SOX5: variants seen among roughly 807,000 people sequenced by gnomAD.
The protein encoded by SOX5 is SRY-box transcription factor 5.
SOX5 carries 9 observed loss-of-function variants against 92.0 expected under a neutral mutation model. The ratio of observed to expected loss-of-function variants is 0.10; its 90% CI spans 0.06 to 0.17. SOX5 has a LOEUF of 0.17. SOX5 is among the 10% of genes least tolerant of loss of function. The pLI, the probability that SOX5 is intolerant of heterozygous loss-of-function variation, is 1.00. For missense variants in SOX5, 642 were observed against 944.5 expected, an observed-to-expected ratio of 0.68 and a Z score of 4.20; for synonymous variants, 344 against 336.3, an observed-to-expected ratio of 1.02 and a Z score of -0.25.
At position 23,766,582 on chromosome 12, in the gene SOX5, T is replaced by C. The variant is rs146067460; in HGVS notation, c.482-10858A>G. Among the ~76,000 whole-genome samples, 811 of 152,178 alleles carry C rather than the reference T, an allele frequency of 5.3e-3. 5 individuals carry two copies. The highest frequency in any genetic ancestry group is 0.019 in the African/African-American group (772 of 41,540). On this transcript the variant is annotated intron_variant, in intron 3 of 14. Coordinates refer to ENST00000451604, the MANE Select transcript of SOX5 (RefSeq NM_006940.6). ...ATGGATAAAAGCATCATAACAAATATCCAAAATTTTGAATTAAAATGACTA... is the reference window on the plus strand; with the variant it reads ...ATGGATAAAAGCATCATAACAAATACCCAAAATTTTGAATTAAAATGACTA...
intron 2 of SOX5, among the ~76,000 whole-genome samples, chr12:24,336,839 TA>T (rs1389856871): frequency 2.0e-5 from 3 of 152,212 alleles, no homozygotes; most frequent in Non-Finnish European, 4.4e-5. Flanking sequence ...CTTTATTAAA[TA>T]AAAACCTAAT....
chr12:23,804,305 T>C (rs1352190225), intron 3 of SOX5, among the ~76,000 whole-genome samples: 3 of 152,202 alleles, frequency 2.0e-5, no homozygotes, highest in Admixed American at 6.5e-5. Context: ...AAATTCCATT[T>C]AAATAGAAAA....
At chr12:24,509,088 C>T (rs1256283250) in intron 1 of SOX5, among the ~76,000 whole-genome samples, 4 of 152,142 alleles carry the variant, frequency 2.6e-5, no homozygotes, top group African/African-American at 7.2e-5. Flanking sequence ...TAAGTAGCAG[C>T]GTGATGGCCA....
chr12:23,809,349 C>T (rs2095835898), intron 3 of SOX5, among the ~76,000 whole-genome samples: 1 of 151,936 alleles, frequency 6.6e-6, no homozygotes, highest in Non-Finnish European at 1.5e-5. Flanking sequence ...ATAATATTCT[C>T]TCAAGAAATA....
intron 3 of SOX5, among the ~76,000 whole-genome samples, chr12:24,229,189 G>T (rs1004501533): frequency 6.6e-6 from 1 of 152,150 alleles, no homozygotes; most frequent in African/African-American, 2.4e-5. Context: ...TGTGTGGAAG[G>T]GCAGCAACTC....
intron 6 of SOX5, among the ~76,000 whole-genome samples, chr12:23,682,701 A>G (rs1192046330): frequency 6.6e-6 from 1 of 151,876 alleles, no homozygotes; most frequent in African/African-American, 2.4e-5. Context: ...TCTTTGTATA[A>G]TATCTTCTTC....
chr12:24,000,600 T>C (rs1249100767), intron 4 of SOX5, among the ~76,000 whole-genome samples: 2 of 151,986 alleles, frequency 1.3e-5, no homozygotes, highest in Non-Finnish European at 2.9e-5. Context: ...AAAATAAGAC[T>C]AGACAATATT....
chr12:24,517,593 T>C lies in SOX5; in HGVS notation c.-251+44736A>G, dbSNP rs141791036. ...GATCACAGCTTGAGATGATAATTAA[T>C]GTCCTTAATGATTACCCTACATCAC... is the stretch of plus-strand genomic sequence containing the variant. On this transcript the variant is annotated intron_variant, in intron 1 of 4. Coordinates refer to the SOX5 transcript ENST00000446891. Among the ~76,000 whole-genome samples, 475 of 152,292 alleles carry C rather than the reference T, an allele frequency of 3.1e-3. 2 individuals carry two copies. The highest frequency in any genetic ancestry group is 0.014 in the Middle Eastern group (4 of 294).
chr12:24,440,631 TGTGTGTGTGA>T (rs1308198312), intron 1 of SOX5, among the ~76,000 whole-genome samples: 13 of 123,058 alleles, frequency 1.1e-4, no homozygotes, highest in Non-Finnish European at 2.0e-4. Context: ...TGTGTGTGTG[TGTGTGTGTGA>T]AGAACAGAAG....
At chr12:24,003,264 T>C (rs562011644) in intron 4 of SOX5, among the ~76,000 whole-genome samples, 2 of 152,222 alleles carry the variant, frequency 1.3e-5, no homozygotes, top group East Asian at 3.9e-4. Context: ...GGCTGTTTGC[T>C]CGCATGATTT....
At chr12:23,816,954 C>T (rs1390832583) in intron 3 of SOX5, among the ~76,000 whole-genome samples, 1 of 152,130 alleles carries the variant, frequency 6.6e-6, no homozygotes, top group Admixed American at 6.5e-5. Flanking sequence ...CATTGTCTTT[C>T]CCCTCATGCA....
chr12:24,251,699 G>A (rs919047986), intron 3 of SOX5, among the ~76,000 whole-genome samples: 2 of 151,538 alleles, frequency 1.3e-5, no homozygotes, highest in Non-Finnish European at 2.9e-5. Flanking sequence ...AGCCTCCCAA[G>A]TAGCTGGGAT....
chr12:24,009,565 G>C (rs1012504110), intron 4 of SOX5, among the ~76,000 whole-genome samples: 3 of 152,040 alleles, frequency 2.0e-5, no homozygotes, highest in African/African-American at 7.2e-5. Flanking sequence ...AAATTTTGGA[G>C]TGACAGGCTC....
intron 2 of SOX5, among the ~76,000 whole-genome samples, chr12:24,351,710 C>T (rs962815823): frequency 4.6e-5 from 7 of 152,178 alleles, no homozygotes; most frequent in Non-Finnish European, 1.0e-4. Flanking sequence ...AAAACCATTA[C>T]ATGAATACAA....
At chr12:23,917,159 A>G (rs1036250927) in intron 1 of SOX5, among the ~76,000 whole-genome samples, 2 of 152,254 alleles carry the variant, frequency 1.3e-5, no homozygotes, top group African/African-American at 2.4e-5. Flanking sequence ...GCTATATAAT[A>G]TACAATAGAT....
chr12:24,359,484 T>A (rs185027343), intron 2 of SOX5, among the ~76,000 whole-genome samples: 90 of 152,328 alleles, frequency 5.9e-4, no homozygotes, highest in Non-Finnish European at 1.1e-3. Context: ...CCTTTTGAAA[T>A]GTTTACAAGG....
rs555323404 is a variant in SOX5 at position 24,134,897 on chromosome 12, T to TA, written c.-2+78445_-2+78446insT. Among the ~76,000 whole-genome samples, 896 of 152,208 alleles carry TA rather than the reference T, an allele frequency of 5.9e-3. 10 individuals are homozygous for TA. The highest frequency in any genetic ancestry group is 0.037 in the South Asian group (179 of 4,818). On this transcript the variant is annotated intron_variant, in intron 4 of 4. Transcript: ENST00000446891. ...TAGTTTTTAAGTAATAATCCAGGGA[T>TA]TAAAAAAAGTACCTTTCCTCTGTAT... is the stretch of plus-strand genomic sequence containing the variant.
chr12:23,730,539 C>T (rs2093351549), intron 6 of SOX5, among the ~76,000 whole-genome samples: 1 of 152,126 alleles, frequency 6.6e-6, no homozygotes, highest in Non-Finnish European at 1.5e-5. Flanking sequence ...CATTCTTAAT[C>T]CTTAATGAAT....
chr12:24,465,197 C>T (rs1392608240), intron 1 of SOX5, among the ~76,000 whole-genome samples: 2 of 152,144 alleles, frequency 1.3e-5, no homozygotes, highest in Non-Finnish European at 2.9e-5. Flanking sequence ...AACAGCTGAC[C>T]CAAAACCACA....
Sources: gnomAD v4.1 joint callset for allele counts (sites outside exome capture counted in the v4.1 genomes callset) on GRCh38, gnomAD v4.1.1 for gene constraint, MANE v1.5 for transcripts, NCBI Gene and HGNC (gene_info 2026-07-23, HGNC 2026-07-21) for gene names.